Variants in BANK1 observed in about 807,000 individuals in gnomAD.
BANK1 encodes B-cell scaffold protein with ankyrin repeats.
BANK1 carries 95 observed loss-of-function variants against 94.5 expected under a neutral mutation model. The observed-to-expected ratio is 1.00, with a 90% confidence interval of 0.85 to 1.19. The LOEUF is 1.19. Among genes scored for constraint, BANK1 ranks in the 50% most tolerant of loss-of-function variants. The probability of loss-of-function intolerance (pLI) is 0.00; values close to 1 mark genes in which losing one functional copy is unlikely to be tolerated. For missense variants in BANK1, 987 were observed against 932.2 expected, an observed-to-expected ratio of 1.06 and a Z score of -0.77; for synonymous variants, 334 against 308.4, an observed-to-expected ratio of 1.08 and a Z score of -0.87.
At chr4:101,920,832 A>G (rs1722977752) in intron 7 of BANK1, among the ~76,000 whole-genome samples, 1 of 151,946 alleles carries the variant, frequency 6.6e-6, no homozygotes, top group South Asian at 2.1e-4. Flanking sequence ...AAAAGAAATT[A>G]TGATTTTAGA....
intron 13 of BANK1, among the ~76,000 whole-genome samples, chr4:102,064,024 T>TAAAC (rs1017701357): frequency 5.3e-5 from 8 of 152,054 alleles, no homozygotes; most frequent in African/African-American, 1.4e-4. Context: ...TTTGCTAAAA[T>TAAAC]AAACAACACA....
At chr4:101,988,691 G>A (rs1439568649) in intron 7 of BANK1, among the ~76,000 whole-genome samples, 1 of 152,060 alleles carries the variant, frequency 6.6e-6, no homozygotes, top group Non-Finnish European at 1.5e-5. Context: ...CTTTTCCAAG[G>A]ACTGTATTAG....
intron 1 of BANK1, among the ~76,000 whole-genome samples, chr4:101,825,882 T>G (rs1726343439): frequency 6.6e-6 from 1 of 152,024 alleles, no homozygotes; most frequent in Non-Finnish European, 1.5e-5. Context: ...TCTAGAGTAT[T>G]GAGAAAGACT....
At chr4:101,849,871 T>G (rs866343572) in intron 2 of BANK1, among the ~76,000 whole-genome samples, 2 of 152,222 alleles carry the variant, frequency 1.3e-5, no homozygotes, top group Non-Finnish European at 1.5e-5. Flanking sequence ...TGTTACTTTA[T>G]TCCTAGGTTA....
At chr4:101,936,125 G>A (rs1723523820) in intron 7 of BANK1, among the ~76,000 whole-genome samples, 1 of 151,024 alleles carries the variant, frequency 6.6e-6, no homozygotes, top group Non-Finnish European at 1.5e-5. Context: ...CACAGAATGG[G>A]AGAAAATATT....
At chr4:101,986,237 C>A (rs1011922485) in intron 7 of BANK1, among the ~76,000 whole-genome samples, 13 of 152,096 alleles carry the variant, frequency 8.5e-5, no homozygotes, top group African/African-American at 3.1e-4. Flanking sequence ...TCAAGACACA[C>A]ATGTTCCTAA....
chr4:101,938,611 A>T (rs924393927), intron 7 of BANK1, among the ~76,000 whole-genome samples: 2 of 151,774 alleles, frequency 1.3e-5, no homozygotes, highest in Middle Eastern at 3.4e-3. Context: ...AAAGTAAAAA[A>T]GTTACCAGGA....
chr4:102,030,308 C>A, intron 10 of BANK1, 43 bp downstream of exon 10: 1 of 1,513,834 alleles, frequency 6.6e-7, no homozygotes. Context: ...TTTTTTTTGT[C>A]CAAAATTTTG....
At chr4:101,918,247 C>A in intron 7 of BANK1, 58 bp downstream of exon 7, 1 of 1,224,304 alleles carries the variant, frequency 8.2e-7, no homozygotes, top group Non-Finnish European at 1.1e-6. Flanking sequence ...GTAGAAGAGA[C>A]TGTAAGAAGA....
In BANK1 at chr4:102,025,288, A is replaced by G; in HGVS notation, c.1373A>G (p.Glu458Gly). Residue 458 changes from glutamate (E) to glycine (G), a missense_variant, in exon 9 of 17, where the codon GAA (glutamate) becomes GGA (glycine). By Grantham distance (98) the Glu-to-Gly change is moderately conservative (BLOSUM62 -2). Transcript: ENST00000322953. ...GCTGAGGCAAATGAAATGGAAGGGG[A>G]AGGAAAACAGAATGGATCAGGCATG... is the stretch of plus-strand genomic sequence containing the variant. Reference protein sequence around the residue: ...DGAEANEMEGEGKQNGSGMET... With the variant: ...DGAEANEMEGGGKQNGSGMET... The G allele has an allele frequency of 6.2e-7, 1 of 1,614,072 alleles. No individual in the cohort carries two copies.
At chr4:102,064,466 A>G (rs2148965385) in intron 13 of BANK1, among the ~76,000 whole-genome samples, 1 of 152,340 alleles carries the variant, frequency 6.6e-6, no homozygotes, top group Non-Finnish European at 1.5e-5. Flanking sequence ...GTTTCTTACA[A>G]TAACTCTATG....
chr4:101,935,819 C>G (rs1441883296), intron 7 of BANK1, among the ~76,000 whole-genome samples: 1 of 151,516 alleles, frequency 6.6e-6, no homozygotes, highest in African/African-American at 2.4e-5. Flanking sequence ...GGAGAAAAGA[C>G]AGTCTCTTCA....
At position 101,918,081 on chromosome 4, in the gene BANK1, A is replaced by C. The variant is rs562486126; in HGVS notation, c.1098A>C (p.Ser366=). The change falls in exon 7 of 17, where the codon TCA becomes TCC. Residue 366 remains serine, a synonymous_variant. Coordinates refer to ENST00000322953, the MANE Select transcript of BANK1 (RefSeq NM_017935.5). The part of the protein sequence containing the change: ...KNLAIHLLQC[S]GATWASKMKN... ...TGGCTATTCATTTGCTTCAATGTTC[A>C]GGAGCAACCTGGGCATCTAAGATGA... 4 of 1,612,194 alleles carry C rather than the reference A, an allele frequency of 2.5e-6. No individual in the cohort carries two copies. In the African/African-American group the frequency reaches 5.3e-5, roughly 22 times the overall value.
intron 7 of BANK1, among the ~76,000 whole-genome samples, chr4:101,968,177 G>A (rs571365455): frequency 4.6e-5 from 7 of 152,138 alleles, no homozygotes; most frequent in South Asian, 2.1e-4. Context: ...TGAGTCTTAC[G>A]TCAAAAGATT....
At chr4:101,854,069 C>T (rs180733557) in intron 2 of BANK1, among the ~76,000 whole-genome samples, 6 of 152,170 alleles carry the variant, frequency 3.9e-5, no homozygotes, top group East Asian at 3.9e-4. Flanking sequence ...GGCTAACTTC[C>T]GGAAAAGCAA....
chr4:101,823,470 C>A (rs1327663920), intron 1 of BANK1, among the ~76,000 whole-genome samples: 16 of 152,188 alleles, frequency 1.1e-4, no homozygotes, highest in Admixed American at 4.6e-4. Context: ...TATTTCCTGA[C>A]TCCTATTGGC....
At chr4:101,998,003 G>T (rs1210308879) in intron 7 of BANK1, among the ~76,000 whole-genome samples, 4 of 152,188 alleles carry the variant, frequency 2.6e-5, no homozygotes, top group Admixed American at 6.5e-5. Context: ...TGTTAATTGC[G>T]ATGTAAGAGT....
chr4:101,904,841 T>C (rs1011231924), intron 6 of BANK1, among the ~76,000 whole-genome samples: 2 of 152,210 alleles, frequency 1.3e-5, no homozygotes, highest in Non-Finnish European at 2.9e-5. Flanking sequence ...CTATGTTAAA[T>C]TGAGTGGGTT....
At chr4:101,863,436 A>G (rs1003859002) in intron 4 of BANK1, among the ~76,000 whole-genome samples, 1 of 152,108 alleles carries the variant, frequency 6.6e-6, no homozygotes, top group Non-Finnish European at 1.5e-5. Flanking sequence ...AAATAAAAAG[A>G]TGCTCAATCT....
Sources: allele counts gnomAD v4.1 joint callset (sites outside exome capture counted in the v4.1 genomes callset), GRCh38; gene constraint gnomAD v4.1.1; transcripts MANE v1.5; gene names NCBI Gene and HGNC (gene_info 2026-07-23, HGNC 2026-07-21).